The following SEC23IP variants were observed in gnomAD, a reference collection of about 807,000 sequenced individuals.
The protein encoded by SEC23IP is SEC23-interacting protein.
A neutral mutation model predicts 113.4 loss-of-function variants in SEC23IP; 70 were observed. That is an observed-to-expected ratio of 0.62 (90% CI 0.51 to 0.75). The LOEUF (loss-of-function observed/expected upper bound fraction) is 0.75, where lower values mean the gene tolerates loss of function less well. Among genes scored for constraint, SEC23IP ranks in the 30% least tolerant of loss-of-function variants. The probability of loss-of-function intolerance (pLI) is 0.00; values close to 1 mark genes in which losing one functional copy is unlikely to be tolerated. For missense variants in SEC23IP, 1,160 were observed against 1,204.9 expected (o/e 0.96, Z 0.55); for synonymous variants, 398 against 421.0 (o/e 0.95, Z 0.67).
chr10:119,894,133 TAAGTA>T (rs1245021905), intron 1 of SEC23IP, among the ~76,000 whole-genome samples: 1 of 152,232 alleles, frequency 6.6e-6, no homozygotes, highest in African/African-American at 2.4e-5. Context: ...TGCAAAGCGC[TAAGTA>T]TAGTGCGTGC....
intron 12 of SEC23IP, 84 bp downstream of exon 12, chr10:119,921,068 A>G (rs1589840365): frequency 4.2e-6 from 4 of 949,318 alleles, no homozygotes; most frequent in Non-Finnish European, 6.6e-6. Context: ...TAATACTACT[A>G]TGGTTAGGTA....
At chr10:119,911,024 T>A (rs548598625) in intron 5 of SEC23IP, among the ~76,000 whole-genome samples, 49 of 151,040 alleles carry the variant, frequency 3.2e-4, no homozygotes, top group Non-Finnish European at 6.1e-4. Context: ...GCATACTACA[T>A]CAAGTATATA....
In SEC23IP at chr10:119,904,191, G is replaced by C. The variant is rs370450206; in HGVS notation, c.1015G>C (p.Glu339Gln). 1 of 1,614,198 alleles carries C rather than the reference G, an allele frequency of 6.2e-7. No individual in the cohort carries two copies. Among genetic ancestry groups the C allele is most frequent in the African/African-American group, 1.3e-5 (1 of 75,040 alleles). The change falls in exon 4 of 19, where the codon GAA (glutamate) becomes CAA (glutamine). Residue 339 changes from glutamate to glutamine, a missense_variant. Coordinates refer to ENST00000369075, the MANE Select transcript of SEC23IP (RefSeq NM_007190.4). ...KAAYWEEEPA[E>Q]VRRCTWFYKG... ...TGCCTACTGGGAAGAGGAGCCAGCC[G>C]AAGTGAGACGCTGTACTTGGTTTTA...
rs1404426422 is a variant in SEC23IP at position 119,920,909 on chromosome 10, C to G, written c.2046C>G (p.Asp682Glu). ...TAAAGCTTATGTGTACAGTTGATGA[C>G]CTGAAGGAAATGGGGATACCCCTTG... ...MESLLMCTVD[D>E]LKEMGIPLGP... is the part of the protein sequence containing the mutation. Residue 682 changes from aspartate (D) to glutamate (E), a missense_variant, in exon 12 of 19, where the codon GAC becomes GAG. Physicochemically the swap from Asp to Glu is conservative, Grantham distance 45. Coordinates refer to ENST00000369075, the MANE Select transcript of SEC23IP (RefSeq NM_007190.4). 1 of 1,612,326 alleles carries G rather than the reference C, an allele frequency of 6.2e-7. No individual in the cohort carries two copies. Among genetic ancestry groups the G allele is most frequent in the South Asian group, 1.1e-5 (1 of 90,998 alleles).
chr10:119,932,655 T>A (rs113387347), intron 16 of SEC23IP, among the ~76,000 whole-genome samples: 101 of 152,358 alleles, frequency 6.6e-4, no homozygotes, highest in African/African-American at 2.2e-3. Flanking sequence ...AGAGGTTTTC[T>A]TCCTGAAACT....
At chr10:119,906,096 A>G (rs1367353536) in intron 4 of SEC23IP, among the ~76,000 whole-genome samples, 1 of 151,826 alleles carries the variant, frequency 6.6e-6, no homozygotes, top group Non-Finnish European at 1.5e-5. Context: ...GACAACATGG[A>G]AAAACCCCGT....
At chr10:119,915,725 TC>T (rs1284657148) in intron 7 of SEC23IP, 22 bp from the exon 8 acceptor site, 2 of 1,481,572 alleles carry the variant, frequency 1.3e-6, no homozygotes, top group Middle Eastern at 1.8e-4. Flanking sequence ...ATTTATTTTC[TC>T]TTTTTTTTTT....
At position 119,902,967 on chromosome 10, in the gene SEC23IP, A is replaced by G; in HGVS notation, c.865A>G (p.Ser289Gly). ...VEYKQLWMPF[S>G]VFDSLNLEEI... ...ATACAAACAACTGTGGATGCCTTTTAGTGTGTTCGACTCTTTGAATCTTGA... is the reference window on the plus strand; with the variant it reads ...ATACAAACAACTGTGGATGCCTTTTGGTGTGTTCGACTCTTTGAATCTTGA... The change falls in exon 3 of 19, where the codon AGT becomes GGT. Residue 289 changes from serine (S) to glycine (G), a missense_variant. Transcript: ENST00000369075. 1 of 1,614,204 alleles carries G rather than the reference A, an allele frequency of 6.2e-7. No individual in the cohort carries two copies. The highest frequency in any genetic ancestry group is 8.5e-7 in the Non-Finnish European group (1 of 1,180,032).
At chr10:119,934,726 C>T (rs1436866407) in intron 18 of SEC23IP, among the ~76,000 whole-genome samples, 1 of 152,208 alleles carries the variant, frequency 6.6e-6, no homozygotes, top group East Asian at 1.9e-4. Flanking sequence ...TGAACATTCC[C>T]TTCAGCCTCA....
rs149487943 is a variant in SEC23IP at position 119,937,815 on chromosome 10, T to C, written c.*21-2771T>C. ...GTTTCTGTCTGTGCCATATATTGAA[T>C]AATGTACCCTTTTGTCATTGGTTTG... On this transcript the variant is annotated intron_variant, in intron 18 of 18. Coordinates refer to ENST00000369075, the MANE Select transcript of SEC23IP (RefSeq NM_007190.4). 3.8e-4 allele frequency among the ~76,000 whole-genome samples: 58 copies of C among 152,342 alleles called. No individual in the cohort carries two copies. In the East Asian group the frequency reaches 9.8e-3, roughly 26 times the overall value.
At chr10:119,904,557 T>C (rs904102008) in intron 4 of SEC23IP, 1 of 305,986 alleles carries the variant, frequency 3.3e-6, no homozygotes, top group Non-Finnish European at 6.1e-6. Context: ...TGGGATTTGT[T>C]GTTGATAGAA....
Position 119,932,178 on chromosome 10 carries a change from G to A in SEC23IP, c.2618G>A (p.Gly873Asp). 1 of 1,613,018 alleles carries A rather than the reference G, an allele frequency of 6.2e-7. No individual in the cohort carries two copies. The change falls in exon 16 of 19, where the codon GGT (glycine) becomes GAT (aspartate). Residue 873 changes from glycine to aspartate, a missense_variant. By Grantham distance (94) the Gly-to-Asp change is moderately conservative (BLOSUM62 -1). Transcript: ENST00000369075. The part of the protein sequence containing the change: ...LSRMGSDLKQ[G>D]FISSLKSAWQ... ...CGTATGGGATCTGATTTGAAGCAGGGTTTTATTAGCTCTCTCAAAAGTGCT... is the reference window on the plus strand; with the variant it reads ...CGTATGGGATCTGATTTGAAGCAGGATTTTATTAGCTCTCTCAAAAGTGCT...
intron 1 of SEC23IP, among the ~76,000 whole-genome samples, chr10:119,894,456 T>C (rs533931775): frequency 5.0e-4 from 76 of 152,388 alleles, no homozygotes; most frequent in African/African-American, 1.8e-3. Context: ...CATATTTGTT[T>C]ATTCCACTGC....
At chr10:119,932,421 A>T in intron 16 of SEC23IP, 103 bp downstream of exon 16, 1 of 883,028 alleles carries the variant, frequency 1.1e-6, no homozygotes, top group Non-Finnish European at 1.7e-6. Context: ...TTTTTGGTTA[A>T]ATTATAGAAG....
At chr10:119,935,270 G>A (rs1359985088) in intron 18 of SEC23IP, among the ~76,000 whole-genome samples, 1 of 152,160 alleles carries the variant, frequency 6.6e-6, no homozygotes, top group Non-Finnish European at 1.5e-5. Flanking sequence ...AGACTAGCCT[G>A]GCTAACATGG....
At chr10:119,899,345 AC>A (rs1854401870) in intron 2 of SEC23IP, among the ~76,000 whole-genome samples, 1 of 152,224 alleles carries the variant, frequency 6.6e-6, no homozygotes, top group South Asian at 2.1e-4. Context: ...AATTACAGGG[AC>A]TAAAATTGAT....
At chr10:119,938,506 G>T (rs915937410) in intron 18 of SEC23IP, among the ~76,000 whole-genome samples, 1 of 151,964 alleles carries the variant, frequency 6.6e-6, no homozygotes, top group African/African-American at 2.4e-5. Flanking sequence ...TCCCTTTCTG[G>T]GCATCTTTTT....
intron 4 of SEC23IP, 80 bp downstream of exon 4, chr10:119,904,357 T>G (rs1854596196): frequency 1.6e-6 from 2 of 1,232,180 alleles, no homozygotes; most frequent in Non-Finnish European, 2.4e-6. Flanking sequence ...TCATTCACAG[T>G]GGAGCGGACT....
intron 12 of SEC23IP, among the ~76,000 whole-genome samples, chr10:119,923,308 C>T (rs550510609): frequency 6.6e-6 from 1 of 151,970 alleles, no homozygotes; most frequent in African/African-American, 2.4e-5. Flanking sequence ...CTTTACACTT[C>T]TTACAGATAA....
Sources: gnomAD v4.1 joint callset for allele counts (sites outside exome capture counted in the v4.1 genomes callset) on GRCh38, gnomAD v4.1.1 for gene constraint, MANE v1.5 for transcripts, NCBI Gene and HGNC (gene_info 2026-07-23, HGNC 2026-07-21) for gene names.